The following SEPTIN14 variants were observed in gnomAD, a reference collection of about 807,000 sequenced individuals.
SEPTIN14 encodes septin-14.
In SEPTIN14, 40 loss-of-function variants were observed where a neutral mutation model predicts 53.6. The observed-to-expected ratio is 0.75, with a 90% CI of 0.58 to 0.97. The LOEUF is 0.97. Ranked by LOEUF, SEPTIN14 falls within the 50% of genes least tolerant of loss-of-function variation. The pLI, the probability that SEPTIN14 is intolerant of heterozygous loss-of-function variation, is 0.00. For missense variants in SEPTIN14, 471 were observed against 508.2 expected (o/e 0.93, Z 0.70); for synonymous variants, 138 against 166.8 (o/e 0.83, Z 1.33).
chr7:55,825,397 T>G (rs1388275259), intron 6 of SEPTIN14, among the ~76,000 whole-genome samples: 1 of 152,220 alleles, frequency 6.6e-6, no homozygotes, highest in Non-Finnish European at 1.5e-5. Context: ...AGTGAAACTA[T>G]GGTGAATGTT....
chr7:55,821,759 C>A (rs2116001315), intron 6 of SEPTIN14, among the ~76,000 whole-genome samples: 1 of 152,278 alleles, frequency 6.6e-6, no homozygotes, highest in Middle Eastern at 3.4e-3. Flanking sequence ...TAAGACCCTG[C>A]TTTCAATTCT....
chr7:55,831,274 A>G (rs978816850), intron 6 of SEPTIN14, among the ~76,000 whole-genome samples: 1 of 152,142 alleles, frequency 6.6e-6, no homozygotes, highest in Non-Finnish European at 1.5e-5. Context: ...AAAAAGGGAG[A>G]AAAAAATTGT....
At chr7:55,855,956 T>C (rs1789616729) in intron 2 of SEPTIN14, among the ~76,000 whole-genome samples, 1 of 152,196 alleles carries the variant, frequency 6.6e-6, no homozygotes, top group South Asian at 2.1e-4. Context: ...AATTATATTT[T>C]TTAATTTATT....
intron 9 of SEPTIN14, among the ~76,000 whole-genome samples, chr7:55,804,825 A>T (rs975808019): frequency 3.3e-5 from 5 of 152,186 alleles, no homozygotes; most frequent in Non-Finnish European, 7.4e-5. Context: ...ATGGCATGGA[A>T]TAACATAATT....
At position 55,846,928 on chromosome 7, in the gene SEPTIN14, C is replaced by T. The variant is rs1584270866; in HGVS notation, c.55-291G>A. Among the ~76,000 whole-genome samples the T allele has an allele frequency of 2.0e-5, 3 of 152,266 alleles. No homozygotes were observed. In the East Asian group the frequency reaches 5.8e-4, roughly 29 times the overall value. On this transcript the variant is annotated intron_variant, in intron 2 of 9. Coordinates refer to ENST00000388975, the MANE Select transcript of SEPTIN14 (RefSeq NM_207366.3). ...AGGGGACAGGCACGGTGGCTCATGC[C>T]TGTAATCCCAGCACTTTGGGAGGCT...
rs183133661 is a variant in SEPTIN14 at position 55,812,901 on chromosome 7, C to T, written c.818-5643G>A. Among the ~76,000 whole-genome samples the T allele has an allele frequency of 2.8e-3, 418 of 151,260 alleles. 5 individuals carry two copies. Among genetic ancestry groups the T allele is most frequent in the Middle Eastern group, 0.01 (3 of 286 alleles). On this transcript the variant is annotated intron_variant, in intron 7 of 9. Coordinates refer to ENST00000388975, the MANE Select transcript of SEPTIN14 (RefSeq NM_207366.3). Reference sequence around the variant, plus strand: ...GCATTGGAACTCAGTGACTGCCCTGCCACAGTGCTACACAACATAGGGCAG... The same window carrying T: ...GCATTGGAACTCAGTGACTGCCCTGTCACAGTGCTACACAACATAGGGCAG...
In SEPTIN14 at chr7:55,844,596, C is replaced by T. The variant is rs553690862; in HGVS notation, c.298G>A (p.Glu100Lys). The T allele has an allele frequency of 3.1e-6, 5 of 1,609,750 alleles. No individual in the cohort carries two copies. In the South Asian group the frequency reaches 5.5e-5, roughly 18 times the overall value. Residue 100 changes from glutamate (E) to lysine (K), a missense_variant, in exon 4 of 10, where the codon GAA becomes AAA. Glu to Lys is a moderately conservative substitution (Grantham distance 56). Transcript: ENST00000388975. ...GTCAATTTCAACTGAACATTGCTTT[C>T]CTGAAGTTCATATGTCTGAATTTGA... is the stretch of plus-strand genomic sequence containing the variant. ...GLQIQTYELQ[E>K]SNVQLKLTVV...
chr7:55,831,350 A>G (rs1789106395), intron 6 of SEPTIN14, among the ~76,000 whole-genome samples: 1 of 152,184 alleles, frequency 6.6e-6, no homozygotes, highest in Admixed American at 6.6e-5. Context: ...TGTTTGACAA[A>G]GTTGGCAAAA....
chr7:55,828,090 CT>C (rs2116015503), intron 6 of SEPTIN14, among the ~76,000 whole-genome samples: 1 of 151,392 alleles, frequency 6.6e-6, no homozygotes, highest in South Asian at 2.1e-4. Context: ...GCAATGGATC[CT>C]AACCAAAATG....
At chr7:55,798,812 C>T (rs1788476921) in intron 9 of SEPTIN14, 2 of 173,064 alleles carry the variant, frequency 1.2e-5, no homozygotes, top group Admixed American at 1.3e-4. Context: ...GCAACAAGGA[C>T]CGAAAGAAGT....
chr7:55,805,216 C>T (rs1190548299), intron 9 of SEPTIN14, 42 bp downstream of exon 9: 2 of 1,551,490 alleles, frequency 1.3e-6, no homozygotes, highest in African/African-American at 2.8e-5. Context: ...TAATAGGGCA[C>T]CTAAAAATTA....
intron 6 of SEPTIN14, among the ~76,000 whole-genome samples, chr7:55,824,645 C>T (rs904829464): frequency 1.7e-4 from 25 of 148,452 alleles, no homozygotes; most frequent in African/African-American, 5.8e-4. Flanking sequence ...AAAAAATAGC[C>T]AGGCGTGGTG....
intron 5 of SEPTIN14, among the ~76,000 whole-genome samples, chr7:55,836,882 TCTTTTCAGTTTGAACA>T: frequency 6.6e-6 from 1 of 152,280 alleles, no homozygotes; most frequent in Non-Finnish European, 1.5e-5. Flanking sequence ...GTACAAAGTC[TCTTTTCAGTTTGAACA>T]ATATATAGTA....
At chr7:55,857,789 G>C (rs1451398326) in intron 2 of SEPTIN14, among the ~76,000 whole-genome samples, 1 of 150,910 alleles carries the variant, frequency 6.6e-6, no homozygotes, top group Admixed American at 6.6e-5. Flanking sequence ...GGGTTTCACC[G>C]TGTTAGCCAG....
In SEPTIN14 at chr7:55,843,022, C is replaced by T. The variant is rs753768896; in HGVS notation, c.478G>A (p.Val160Met). The change falls in exon 5 of 10, where the codon GTG (valine) becomes ATG (methionine). Residue 160 changes from valine (V) to methionine (M), a missense_variant. Transcript: ENST00000388975. ...LFEYHDSRVH[V>M]CLYFISPTGH... The stretch of plus-strand genomic sequence containing the variant: ...GTAGGTGAAATGAAGTAAAGACACA[C>T]GTGGACGCGAGAATCATGGTACTCA... The T allele has an allele frequency of 5.0e-6, 8 of 1,590,038 alleles. No homozygotes were observed. Among genetic ancestry groups the T allele is most frequent in the South Asian group, 2.3e-5 (2 of 87,818 alleles).
At chr7:55,860,484 A>G (rs1156498513) in intron 2 of SEPTIN14, among the ~76,000 whole-genome samples, 2 of 152,176 alleles carry the variant, frequency 1.3e-5, no homozygotes, top group Non-Finnish European at 1.5e-5. Flanking sequence ...TAGGGAGACT[A>G]TAGTTTATAA....
intron 2 of SEPTIN14, among the ~76,000 whole-genome samples, chr7:55,854,304 T>C (rs1789569677): frequency 1.3e-5 from 2 of 152,182 alleles, no homozygotes; most frequent in Non-Finnish European, 2.9e-5. Flanking sequence ...ATCAATCTGA[T>C]AAAAACTGTA....
chr7:55,804,134 TAAAAAAAAAAAAA>T, intron 9 of SEPTIN14, among the ~76,000 whole-genome samples: 1 of 47,062 alleles, frequency 2.1e-5, no homozygotes, highest in Admixed American at 2.8e-4. Flanking sequence ...AGACTCTGTC[TAAAAAAAAAAAAA>T]AAAAAAAAAA....
intron 1 of SEPTIN14, among the ~76,000 whole-genome samples, chr7:55,862,421 C>T (rs1272294298): frequency 6.6e-6 from 1 of 151,536 alleles, no homozygotes; most frequent in Non-Finnish European, 1.5e-5. Context: ...GAGTAGCATA[C>T]CAGAGGAGGC....
Sources: allele counts gnomAD v4.1 joint callset (sites outside exome capture counted in the v4.1 genomes callset), GRCh38; gene constraint gnomAD v4.1.1; transcripts MANE v1.5; gene names NCBI Gene and HGNC (gene_info 2026-07-23, HGNC 2026-07-21).